The following VPS33B variants were observed in gnomAD, a reference collection of about 807,000 sequenced individuals.
VPS33B encodes the protein VPS33B late endosome and lysosome associated.
VPS33B carries 80 observed loss-of-function variants against 95.3 expected under a neutral mutation model. The observed-to-expected ratio is 0.84, with a 90% CI of 0.70 to 1.01. The LOEUF (loss-of-function observed/expected upper bound fraction) is 1.01. Ranked by LOEUF, VPS33B falls within the 50% of genes least tolerant of loss-of-function variation. VPS33B has a pLI of 0.00. For synonymous variants in VPS33B, 280 were observed against 280.4 expected (o/e 1.00, Z 0.01); for missense variants, 715 against 773.4 (o/e 0.92, Z 0.90).
At chr15:91,004,650 T>C (rs1030937309) in intron 16 of VPS33B, among the ~76,000 whole-genome samples, 1 of 152,186 alleles carries the variant, frequency 6.6e-6, no homozygotes, top group Non-Finnish European at 1.5e-5. Context: ...AGTCCTAAGA[T>C]ATGACAAGGC....
rs576959067 is a variant in VPS33B, at chr15:91,022,305, G to T, written c.-56C>A. ...GGACGCCCTTCGTTCTGAGAAGGCC[G>T]GCCGCAGCCCAGGGAAGCGCAAGGG... On this transcript the variant is annotated 5_prime_UTR_variant, in exon 1 of 23. Transcript: ENST00000333371. 3.3e-6 allele frequency: 5 copies of T among 1,496,736 alleles called. No individual in the cohort carries two copies. In the Admixed American group the frequency reaches 6.3e-5, roughly 19 times the overall value. 92.7% of individuals were successfully genotyped at this position (1,496,736 alleles called of 1,614,324 possible).
Position 91,013,825 on chromosome 15 carries a change from T to G in VPS33B, c.336A>C (p.Lys112Asn). ...TCACCTTTTGAGGGCTGAAGATCAC[T>G]TTGTATTTGCGAGTTCGGCCAGCCA... is the stretch of plus-strand genomic sequence containing the variant. ...DKLAGRTRKY[K>N]VIFSPQKFYA... The change falls in exon 5 of 23, where the codon AAA (lysine) becomes AAC (asparagine). Residue 112 changes from lysine (K) to asparagine (N), a missense_variant. Transcript: ENST00000333371. The surrounding 1 kb of genome is among the most constrained non-coding windows in gnomAD (Gnocchi z 4.5). The G allele has an allele frequency of 6.2e-7, 1 of 1,614,142 alleles. No homozygotes were observed. The highest frequency in any genetic ancestry group is 1.1e-5 in the South Asian group (1 of 91,086).
chr15:91,003,258 G>A (rs895696546), intron 16 of VPS33B, 127 bp from the exon 17 acceptor site: 14 of 951,728 alleles, frequency 1.5e-5, no homozygotes, highest in Non-Finnish European at 2.2e-5. Flanking sequence ...TAACCCTGCA[G>A]AGTATACATT....
At chr15:91,003,994 C>T (rs986564731) in intron 16 of VPS33B, among the ~76,000 whole-genome samples, 1 of 152,094 alleles carries the variant, frequency 6.6e-6, no homozygotes, top group Non-Finnish European at 1.5e-5. Flanking sequence ...GAAGCCGAGG[C>T]AGGTGGATCA....
Position 91,009,800 on chromosome 15 carries a change from C to T in VPS33B, c.403+1G>A, listed in dbSNP as rs953811940. On this transcript the variant is annotated splice_donor_variant, in intron 6 of 22. Transcript: ENST00000333371. LOFTEE classifies it high-confidence loss of function. The surrounding 1 kb of genome is among the most constrained non-coding windows in gnomAD (Gnocchi z 4.1). ...TTCCACTCACATTCATCTCCTCTCA[C>T]CTCCATAGATTCCCTCTTCCTCAAG... is the stretch of plus-strand genomic sequence containing the variant. 3 of 1,614,170 alleles carry T rather than the reference C, an allele frequency of 1.9e-6. No homozygotes were observed. Among genetic ancestry groups the T allele is most frequent in the South Asian group, 1.1e-5 (1 of 91,086 alleles).
Position 90,999,333 on chromosome 15 carries a change from CTT to C in VPS33B, c.1775-281_1775-280del. ...CACTTTGCGTGTTTTTTTTTTTTCT[CTT>C]GAGATGGAGTTTTGCTATTGTTGCC... On this transcript the variant is annotated intron_variant, in intron 22 of 22. Transcript: ENST00000333371. The surrounding 1 kb of genome is among the most constrained non-coding windows in gnomAD (Gnocchi z 5.1). 3.8e-6 allele frequency: 2 copies of C among 519,810 alleles called. No individual in the cohort carries two copies. The highest frequency in any genetic ancestry group is 6.9e-6 in the Non-Finnish European group (2 of 289,922). The allele number at this position is 519,810 out of a possible 1,614,324, so 32.2% of individuals were successfully genotyped here. A position where few individuals can be genotyped will look rare whatever the true frequency, so the allele number is the denominator to read the frequency against.
In VPS33B at chr15:91,000,545, A is replaced by G. The variant is rs1223463035; in HGVS notation, c.1526T>C (p.Met509Thr). Residue 509 changes from methionine (M) to threonine (T), a missense_variant, in exon 20 of 23, where the codon ATG becomes ACG. Coordinates refer to ENST00000333371, the MANE Select transcript of VPS33B (RefSeq NM_018668.5). The surrounding 1 kb of genome is among the most constrained non-coding windows in gnomAD (Gnocchi z 4.9). ...ATAAGCACCACCGAAGACGTAAGCCATGTCTCGGGGCACTTTCAGATCATA... is the reference window on the plus strand; with the variant it reads ...ATAAGCACCACCGAAGACGTAAGCCGTGTCTCGGGGCACTTTCAGATCATA... The part of the protein sequence containing the change: ...GEYDLKVPRD[M>T]AYVFGGAYVP... 6.2e-7 allele frequency: 1 copy of G among 1,613,664 alleles called. No individual in the cohort carries two copies. Among genetic ancestry groups the G allele is most frequent in the South Asian group, 1.1e-5 (1 of 91,076 alleles).
chr15:91,012,150 A>G (rs1329555192), intron 5 of VPS33B, among the ~76,000 whole-genome samples: 1 of 152,180 alleles, frequency 6.6e-6, no homozygotes, highest in African/African-American at 2.4e-5. Context: ...AAAAGTACCT[A>G]TAATTCTGAG....
chr15:91,012,435 T>C (rs1167802411), intron 5 of VPS33B, among the ~76,000 whole-genome samples: 1 of 152,192 alleles, frequency 6.6e-6, no homozygotes, highest in Non-Finnish European at 1.5e-5. Context: ...ATCTTCCAGA[T>C]GAGAAAACCG....
At chr15:91,017,055 A>G (rs1230123236) in intron 2 of VPS33B, 31 bp from the exon 3 acceptor site, 2 of 1,609,584 alleles carry the variant, frequency 1.2e-6, no homozygotes. Context: ...GACAATGGAC[A>G]TAAGAGTGCC....
Position 91,000,639 on chromosome 15 carries a change from A to G in VPS33B, c.1480-48T>C. The G allele has an allele frequency of 6.4e-7, 1 of 1,554,500 alleles. No individual in the cohort carries two copies. The highest frequency in any genetic ancestry group is 8.8e-7 in the Non-Finnish European group (1 of 1,131,962). On this transcript the variant is annotated intron_variant, in intron 19 of 22. Coordinates refer to ENST00000333371, the MANE Select transcript of VPS33B (RefSeq NM_018668.5). The surrounding 1 kb of genome is among the most constrained non-coding windows in gnomAD (Gnocchi z 4.9). ...TAGGCAAGTGACAGCTCAGCTCCCT[A>G]ACCCTTTAAAGGGTCAGATAAAGTG...
intron 5 of VPS33B, among the ~76,000 whole-genome samples, chr15:91,012,085 G>A (rs138427787): frequency 6.6e-6 from 1 of 150,596 alleles, no homozygotes; most frequent in African/African-American, 2.5e-5. Flanking sequence ...AAAAAAAAAG[G>A]TTTGTAAGAG....
At chr15:91,001,567 C>T in intron 18 of VPS33B, 105 bp from the exon 19 acceptor site, 1 of 922,640 alleles carries the variant, frequency 1.1e-6, no homozygotes, top group Non-Finnish European at 1.8e-6. Context: ...CATCCAAAAA[C>T]TCTCGGAAGC....
At position 91,010,364 on chromosome 15, in the gene VPS33B, G is replaced by T. The variant is rs188267920; in HGVS notation, c.358-518C>A. On this transcript the variant is annotated intron_variant, in intron 5 of 22. Transcript: ENST00000333371. The surrounding 1 kb of genome is among the most constrained non-coding windows in gnomAD (Gnocchi z 5.7). ...TCCTATAATCCCAGAACTTTGGAAG[G>T]CCGAGGCAGGTGAATCGCTTGAGCC... 1.3e-5 allele frequency among the ~76,000 whole-genome samples: 2 copies of T among 152,324 alleles called. No homozygotes were observed. Among genetic ancestry groups the T allele is most frequent in the African/African-American group, 4.8e-5 (2 of 41,566 alleles).
chr15:91,015,884 TA>T lies in VPS33B; in HGVS notation c.239+1078del, dbSNP rs1044417235. On this transcript the variant is annotated intron_variant, in intron 3 of 22. Coordinates refer to ENST00000333371, the MANE Select transcript of VPS33B (RefSeq NM_018668.5). The surrounding 1 kb of genome is among the most constrained non-coding windows in gnomAD (Gnocchi z 4.7). ...TTAAATATAAGAAAGTAATAGAAAA[TA>T]TTTTTTTTCAAACTGGGGTACATGG... Among the ~76,000 whole-genome samples the T allele has an allele frequency of 2.0e-5, 3 of 151,910 alleles. No homozygotes were observed. The highest frequency in any genetic ancestry group is 2.9e-5 in the Non-Finnish European group (2 of 67,998).
In VPS33B at chr15:91,002,191, G is replaced by T. The variant is rs746245848; in HGVS notation, c.1273-9C>A. 1.2e-6 allele frequency: 2 copies of T among 1,614,122 alleles called. No individual in the cohort carries two copies. Among genetic ancestry groups the T allele is most frequent in the African/African-American group, 1.3e-5 (1 of 75,064 alleles). ...TGCTCAGGGCCATAGCTCTGAAGAA[G>T]ATGCAATTAGACTATTTACTGAGTG... On this transcript the variant is annotated splice_polypyrimidine_tract_variant and intron_variant, in intron 17 of 22. Transcript: ENST00000333371. This position sits in a 1 kb window ranked among gnomAD's most constrained non-coding sequence, Gnocchi z 4.7.
In VPS33B at chr15:90,998,852, T is replaced by G; in HGVS notation, c.*123A>C. 1.0e-6 allele frequency: 1 copy of G among 988,238 alleles called. No individual in the cohort carries two copies. Among genetic ancestry groups the G allele is most frequent in the Non-Finnish European group, 1.6e-6 (1 of 630,304 alleles). 61.2% of individuals were successfully genotyped at this position (988,238 alleles called of 1,614,324 possible). ...TAATGTTCTCTAAATCCCAACACGTTCCATGCTCCCGGCTCTTAGCAGGTA... is the reference window on the plus strand; with the variant it reads ...TAATGTTCTCTAAATCCCAACACGTGCCATGCTCCCGGCTCTTAGCAGGTA... On this transcript the variant is annotated 3_prime_UTR_variant, in exon 23 of 23. Coordinates refer to ENST00000333371, the MANE Select transcript of VPS33B (RefSeq NM_018668.5). The surrounding 1 kb of genome is among the most constrained non-coding windows in gnomAD (Gnocchi z 4.8).
chr15:91,014,648 C>T (rs2040874258), intron 3 of VPS33B, among the ~76,000 whole-genome samples: 1 of 152,152 alleles, frequency 6.6e-6, no homozygotes, highest in South Asian at 2.1e-4. Context: ...ACATTACTGG[C>T]CCTATGGTGG....
Position 91,018,153 on chromosome 15 carries a change from C to G in VPS33B, c.97-268G>C. 2.1e-6 allele frequency: 1 copy of G among 468,188 alleles called. No individual in the cohort carries two copies. The highest frequency in any genetic ancestry group is 4.0e-6 in the Non-Finnish European group (1 of 251,992). 29.0% of individuals were successfully genotyped at this position (468,188 alleles called of 1,614,324 possible). On this transcript the variant is annotated intron_variant, in intron 1 of 22. Coordinates refer to ENST00000333371, the MANE Select transcript of VPS33B (RefSeq NM_018668.5). This position sits in a 1 kb window ranked among gnomAD's most constrained non-coding sequence, Gnocchi z 4.7. ...AACTCCTTGTCACTCAACCCTTCTG[C>G]TCACCTGTGACCTTGGTCTGCACCT...
Sources: allele counts gnomAD v4.1 joint callset (sites outside exome capture counted in the v4.1 genomes callset), GRCh38; gene constraint gnomAD v4.1.1; non-coding constraint Gnocchi (gnomAD v3.1); transcripts MANE v1.5; gene names NCBI Gene and HGNC (gene_info 2026-07-23, HGNC 2026-07-21).